The following PRKAR1B variants were observed in gnomAD, a reference collection of about 807,000 sequenced individuals.
PRKAR1B encodes the protein cAMP-dependent protein kinase type I-beta regulatory subunit.
PRKAR1B carries 22 observed loss-of-function variants against 46.5 expected under a neutral mutation model. The ratio of observed to expected loss-of-function variants is 0.47; its 90% CI spans 0.34 to 0.68. The LOEUF (loss-of-function observed/expected upper bound fraction) is 0.68. PRKAR1B is among the 30% of genes least tolerant of loss of function. PRKAR1B has a pLI of 0.01. For synonymous variants in PRKAR1B, 259 were observed against 217.7 expected, an observed-to-expected ratio of 1.19 and a Z score of -1.67; for missense variants, 445 against 535.6, an observed-to-expected ratio of 0.83 and a Z score of 1.67.
intron 2 of PRKAR1B, among the ~76,000 whole-genome samples, chr7:701,027 A>C (rs897619730): frequency 2.6e-5 from 4 of 152,092 alleles, no homozygotes; most frequent in Non-Finnish European, 5.9e-5. Context: ...ATCTCTAAGT[A>C]AAATACAAAA....
At chr7:559,205 G>A (rs1778635148) in intron 9 of PRKAR1B, among the ~76,000 whole-genome samples, 1 of 152,218 alleles carries the variant, frequency 6.6e-6, no homozygotes, top group Non-Finnish European at 1.5e-5. Context: ...GGCCACAGGT[G>A]CCTGACGCCA....
intron 9 of PRKAR1B, among the ~76,000 whole-genome samples, chr7:553,593 G>A (rs150254708): frequency 7.6e-4 from 115 of 152,300 alleles, no homozygotes; most frequent in African/African-American, 2.5e-3. Context: ...GGCAGACGGC[G>A]GCCCTCTGAG....
chr7:716,674 T>C (rs1411839237), intron 1 of PRKAR1B: 1 of 152,264 alleles, frequency 6.6e-6, no homozygotes, highest in East Asian at 1.9e-4. Context: ...ACACAGCTAT[T>C]TTCTGGGGTG....
intron 4 of PRKAR1B, among the ~76,000 whole-genome samples, chr7:611,420 G>T (rs1038375479): frequency 1.3e-5 from 2 of 152,236 alleles, no homozygotes; most frequent in Admixed American, 6.5e-5. Flanking sequence ...CAGTGGTGCT[G>T]GGTCAGGACA....
chr7:725,423 C>G (rs1371681877), intron 1 of PRKAR1B, among the ~76,000 whole-genome samples: 2 of 152,192 alleles, frequency 1.3e-5, no homozygotes, highest in Admixed American at 1.3e-4. Flanking sequence ...AACTCGCGTT[C>G]TAGGCTGGGC....
At chr7:582,542 A>G (rs1255135510) in intron 8 of PRKAR1B, among the ~76,000 whole-genome samples, 1 of 152,268 alleles carries the variant, frequency 6.6e-6, no homozygotes, top group Non-Finnish European at 1.5e-5. Flanking sequence ...TGCTGCATTA[A>G]TCAGAGGAAC....
chr7:682,351 G>C (rs556183030), intron 2 of PRKAR1B, among the ~76,000 whole-genome samples: 3 of 152,250 alleles, frequency 2.0e-5, no homozygotes, highest in East Asian at 1.9e-4. Flanking sequence ...GCTTCTGGCC[G>C]GGTGTGGTGG....
intron 6 of PRKAR1B, among the ~76,000 whole-genome samples, chr7:604,546 G>C (rs1056104044): frequency 1.3e-5 from 2 of 152,212 alleles, no homozygotes; most frequent in African/African-American, 2.4e-5. Context: ...CTCTTTCTCC[G>C]CCTGCGCGGG....
In PRKAR1B at chr7:550,499, C is replaced by T. The variant is rs1784111773; in HGVS notation, c.1077G>A (p.Leu359=). Reference sequence around the variant, plus strand: ...TCTTGAGGATCTCAGAGCAGGGCCCCAGCACACGCTCGAAGCGGGGCCGGT... The same window carrying T: ...TCTTGAGGATCTCAGAGCAGGGCCCTAGCACACGCTCGAAGCGGGGCCGGT... ...KLDRPRFERV[L]GPCSEILKRN... is the part of the protein sequence containing the mutation. Residue 359 remains leucine (L), a synonymous_variant, in exon 11 of 11, where the codon CTG becomes CTA. Transcript: ENST00000537384. 1.2e-6 allele frequency: 2 copies of T among 1,600,926 alleles called. No individual in the cohort carries two copies. The highest frequency in any genetic ancestry group is 3.4e-5 in the Admixed American group (2 of 58,396).
At chr7:684,586 G>A (rs1042327248) in intron 2 of PRKAR1B, among the ~76,000 whole-genome samples, 17 of 152,124 alleles carry the variant, frequency 1.1e-4, no homozygotes, top group Non-Finnish European at 1.6e-4. Context: ...CGGAGGGAAC[G>A]GTTCTGCTGC....
chr7:550,511 G>A lies in PRKAR1B; in HGVS notation c.1065C>T (p.Phe355=), dbSNP rs28488947. Residue 355 remains phenylalanine (F), a synonymous_variant, in exon 11 of 11, where the codon TTC becomes TTT. Transcript: ENST00000537384. ...CAGAGCAGGGCCCCAGCACACGCTC[G>A]AAGCGGGGCCGGTCCAGCTTCACAC... ...LKCVKLDRPR[F]ERVLGPCSEI... is the part of the protein sequence containing the mutation. The A allele has an allele frequency of 0.01, 16,433 of 1,603,114 alleles. 827 individuals carry two copies. The East Asian group carries it at 0.18, about 17-fold the overall frequency.
chr7:691,648 G>A (rs1779434040), intron 2 of PRKAR1B: 1 of 1,300,068 alleles, frequency 7.7e-7, no homozygotes, highest in South Asian at 1.2e-5. Context: ...CCTCCGCCCA[G>A]GTCTCCAGGG....
At chr7:702,907 A>G (rs1266986959) in intron 2 of PRKAR1B, among the ~76,000 whole-genome samples, 3 of 151,894 alleles carry the variant, frequency 2.0e-5, no homozygotes, top group African/African-American at 4.8e-5. Flanking sequence ...TACTATATGT[A>G]CTACATATAT....
chr7:709,042 C>T (rs1180536061), intron 2 of PRKAR1B, among the ~76,000 whole-genome samples: 1 of 147,740 alleles, frequency 6.8e-6, no homozygotes, highest in South Asian at 2.1e-4. Context: ...CCACCTGCCT[C>T]GGCCTCCTAA....
chr7:705,638 A>G (rs1423438934), intron 2 of PRKAR1B, among the ~76,000 whole-genome samples: 6 of 152,236 alleles, frequency 3.9e-5, no homozygotes, highest in East Asian at 1.9e-4. Context: ...AAAGGATCCA[A>G]GTGTTCCTAG....
intron 8 of PRKAR1B, among the ~76,000 whole-genome samples, chr7:583,215 G>A (rs938137439): frequency 1.3e-5 from 2 of 152,100 alleles, no homozygotes; most frequent in Non-Finnish European, 1.5e-5. Flanking sequence ...GTGCTGTGAC[G>A]TGCATTTTAC....
chr7:722,255 C>G (rs1200770104), intron 1 of PRKAR1B, among the ~76,000 whole-genome samples: 2 of 152,108 alleles, frequency 1.3e-5, no homozygotes, highest in African/African-American at 2.4e-5. Context: ...GTACCCACCA[C>G]CACACCCAGC....
In PRKAR1B at chr7:550,546, G is replaced by C; in HGVS notation, c.1030C>G (p.Pro344Ala). Residue 344 changes from proline to alanine, a missense_variant, in exon 11 of 11, where the codon CCC becomes GCC. Transcript: ENST00000537384. ...CGGTCCAGCTTCACACACTTGAGGG[G>C]CCCCCGGGCCACGACAGTGGCCGCC... ...PRAATVVARG[P>A]LKCVKLDRPR... The C allele has an allele frequency of 6.2e-7, 1 of 1,604,236 alleles. No individual in the cohort carries two copies. Among genetic ancestry groups the C allele is most frequent in the East Asian group, 2.2e-5 (1 of 44,644 alleles).
At chr7:656,021 C>T (rs1785167365) in intron 4 of PRKAR1B, among the ~76,000 whole-genome samples, 1 of 152,186 alleles carries the variant, frequency 6.6e-6, no homozygotes. Flanking sequence ...GACAAAGATC[C>T]ACCTCCACCT....
Sources: allele counts gnomAD v4.1 joint callset (sites outside exome capture counted in the v4.1 genomes callset), GRCh38; gene constraint gnomAD v4.1.1; transcripts MANE v1.5; gene names NCBI Gene and HGNC (gene_info 2026-07-23, HGNC 2026-07-21).